Variants in CDC42BPA observed in about 807,000 individuals in gnomAD.
CDC42BPA encodes CDC42 binding protein kinase alpha, also known as serine/threonine-protein kinase MRCK alpha.
A neutral mutation model predicts 223.5 loss-of-function variants in CDC42BPA; 80 were observed. The ratio of observed to expected loss-of-function variants is 0.36; its 90% CI spans 0.30 to 0.43. The LOEUF (loss-of-function observed/expected upper bound fraction) is 0.43, where lower values mean the gene tolerates loss of function less well. Among genes scored for constraint, CDC42BPA ranks in the 20% least tolerant of loss-of-function variants. The pLI is 1.00. For synonymous variants in CDC42BPA, 694 were observed against 718.6 expected, an observed-to-expected ratio of 0.97 and a Z score of 0.55; for missense variants, 1,743 against 2,099.9, an observed-to-expected ratio of 0.83 and a Z score of 3.32.
chr1:227,132,846 G>A (rs1013505469), intron 10 of CDC42BPA, among the ~76,000 whole-genome samples: 3 of 148,774 alleles, frequency 2.0e-5, no homozygotes, highest in African/African-American at 5.0e-5. Context: ...GGTGAGGAGC[G>A]TCTCTGCCCG....
chr1:227,058,542 C>T (rs76045681), intron 21 of CDC42BPA, among the ~76,000 whole-genome samples: 2,977 of 152,220 alleles, frequency 0.02, 40 homozygotes, highest in Middle Eastern at 0.041. Flanking sequence ...ATATGAAAAT[C>T]CCAACACTGT....
intron 3 of CDC42BPA, among the ~76,000 whole-genome samples, chr1:227,201,867 T>C (rs1671831053): frequency 6.6e-6 from 1 of 152,142 alleles, no homozygotes; most frequent in African/African-American, 2.4e-5. Flanking sequence ...CTACACCATA[T>C]TCCAGATACA....
intron 5 of CDC42BPA, among the ~76,000 whole-genome samples, chr1:227,173,374 G>A (rs1007560588): frequency 2.4e-4 from 37 of 152,070 alleles, no homozygotes; most frequent in African/African-American, 8.7e-4. Context: ...GAAGATGGTC[G>A]CTAGGCTCCT....
chr1:227,295,966 A>C (rs572861027), intron 1 of CDC42BPA, among the ~76,000 whole-genome samples: 27 of 152,352 alleles, frequency 1.8e-4, no homozygotes, highest in African/African-American at 6.3e-4. Context: ...TTTGTTAATA[A>C]AGAAGAGCCC....
chr1:227,253,854 G>C (rs185832456), intron 2 of CDC42BPA, among the ~76,000 whole-genome samples: 2 of 152,112 alleles, frequency 1.3e-5, no homozygotes, highest in African/African-American at 4.8e-5. Context: ...CATGATCTTA[G>C]AAAAAATTCC....
intron 25 of CDC42BPA, 127 bp from the exon 26 acceptor site, chr1:227,034,921 G>A (rs1669955542): frequency 4.0e-6 from 3 of 752,588 alleles, no homozygotes; most frequent in South Asian, 5.4e-5. Flanking sequence ...TGCCATTCTG[G>A]TTGGTAAAGT....
chr1:226,999,280 C>A (rs1323465331), intron 35 of CDC42BPA, among the ~76,000 whole-genome samples: 2 of 151,914 alleles, frequency 1.3e-5, no homozygotes, highest in Non-Finnish European at 2.9e-5. Flanking sequence ...AGATTCACGC[C>A]ATTCTCCTGC....
chr1:227,176,785 A>G (rs1667026361), intron 5 of CDC42BPA, among the ~76,000 whole-genome samples: 1 of 152,154 alleles, frequency 6.6e-6, no homozygotes, highest in Non-Finnish European at 1.5e-5. Flanking sequence ...GAATTCATGG[A>G]AACAACATTC....
At chr1:227,113,024 G>A in intron 12 of CDC42BPA, 111 bp from the exon 13 acceptor site, 1 of 981,068 alleles carries the variant, frequency 1.0e-6, no homozygotes, top group South Asian at 1.6e-5. Flanking sequence ...ATTCACCTTA[G>A]GACAAATTAA....
At chr1:227,206,108 T>G (rs1384607282) in intron 3 of CDC42BPA, among the ~76,000 whole-genome samples, 1 of 152,240 alleles carries the variant, frequency 6.6e-6, no homozygotes, top group Admixed American at 6.5e-5. Context: ...ACAGTGAGTG[T>G]TTCTGTAAAC....
At chr1:227,301,280 A>G (rs1219550996) in intron 1 of CDC42BPA, among the ~76,000 whole-genome samples, 2 of 152,216 alleles carry the variant, frequency 1.3e-5, no homozygotes, top group Non-Finnish European at 2.9e-5. Context: ...GAGCTCCTCG[A>G]TTACAGGACT....
At chr1:227,130,627 G>A (rs969527775) in intron 10 of CDC42BPA, among the ~76,000 whole-genome samples, 1 of 152,202 alleles carries the variant, frequency 6.6e-6, no homozygotes, top group Non-Finnish European at 1.5e-5. Flanking sequence ...GGCCAAGGCA[G>A]ATGAATCACC....
At chr1:227,242,573 T>C (rs1368261441) in intron 2 of CDC42BPA, among the ~76,000 whole-genome samples, 8 of 152,108 alleles carry the variant, frequency 5.3e-5, no homozygotes, top group Non-Finnish European at 5.9e-5. Flanking sequence ...GATTAATATT[T>C]TTAAAGCCAA....
intron 17 of CDC42BPA, among the ~76,000 whole-genome samples, chr1:227,077,966 T>C (rs1282316927): frequency 1.3e-5 from 2 of 152,194 alleles, no homozygotes; most frequent in Admixed American, 6.5e-5. Flanking sequence ...ATTCTGAACA[T>C]TACTGTTAAG....
In CDC42BPA at chr1:227,179,635, CAAAAAAA is replaced by C. The variant is rs59744442; in HGVS notation, c.599+14144_599+14150del. Among the ~76,000 whole-genome samples, 80 of 34,246 alleles carry C rather than the reference CAAAAAAA, an allele frequency of 2.3e-3. 1 individual carries two copies. The highest frequency in any genetic ancestry group is 8.4e-3 in the African/African-American group (73 of 8,734). The allele number at this position is 34,246 out of a possible 152,430, so 22.5% of individuals were successfully genotyped here. ...TGGGCAACAGAGCGAGCCTCCATCT[CAAAAAAA>C]AAAAAAAAAAAAAAAAAAGCTATTT... On this transcript the variant is annotated intron_variant, in intron 5 of 36. Coordinates refer to ENST00000366766, the MANE Select transcript of CDC42BPA (RefSeq NM_001394014.1).
At chr1:227,296,484 T>C (rs1203199354) in intron 1 of CDC42BPA, among the ~76,000 whole-genome samples, 1 of 152,064 alleles carries the variant, frequency 6.6e-6, no homozygotes, top group Non-Finnish European at 1.5e-5. Context: ...GGTGGGCAGA[T>C]CACTTGAGGT....
intron 2 of CDC42BPA, among the ~76,000 whole-genome samples, chr1:227,219,109 T>A (rs989013447): frequency 2.6e-5 from 4 of 152,126 alleles, no homozygotes; most frequent in Non-Finnish European, 5.9e-5. Flanking sequence ...TACTCTCCCA[T>A]GAATGCCAGG....
intron 2 of CDC42BPA, among the ~76,000 whole-genome samples, chr1:227,241,672 C>T (rs1680044778): frequency 6.6e-6 from 1 of 152,078 alleles, no homozygotes; most frequent in South Asian, 2.1e-4. Flanking sequence ...TTGATGGAAG[C>T]TGTGGGGAAC....
rs1479797385 is a variant in CDC42BPA at position 227,145,655 on chromosome 1, T to C, written c.977A>G (p.Glu326Gly). Residue 326 changes from glutamate (E) to glycine (G), a missense_variant, in exon 8 of 37, where the codon GAA becomes GGA. Transcript: ENST00000366766. ...TATTCCATTTTGACCAAGTCGATGT[T>C]CTCTGCTACAAATGAGCCTTCGAAT... ...DLIRRLICSR[E>G]HRLGQNGIED... is the part of the protein sequence containing the mutation. 1.9e-6 allele frequency: 3 copies of C among 1,613,770 alleles called. No homozygotes were observed. Among genetic ancestry groups the C allele is most frequent in the African/African-American group, 2.7e-5 (2 of 74,910 alleles).
Sources: allele counts gnomAD v4.1 joint callset (sites outside exome capture counted in the v4.1 genomes callset), GRCh38; gene constraint gnomAD v4.1.1; transcripts MANE v1.5; gene names NCBI Gene and HGNC (gene_info 2026-07-23, HGNC 2026-07-21).